The following SPOP variants were observed in gnomAD, a reference collection of about 807,000 sequenced individuals.
SPOP encodes the protein speckle-type POZ protein.
In SPOP, 11 loss-of-function variants were observed where a neutral mutation model predicts 45.6. That is an observed-to-expected ratio of 0.24 (90% CI 0.15 to 0.40). SPOP has a LOEUF of 0.40. Ranked by LOEUF, SPOP falls within the 10% of genes least tolerant of loss-of-function variation. The pLI, the probability that SPOP is intolerant of heterozygous loss-of-function variation, is 1.00. For missense variants in SPOP, 152 were observed against 465.6 expected (o/e 0.33, Z 6.20); for synonymous variants, 166 against 166.3 (o/e 1.00, Z 0.01).
At chr17:49,635,632 C>CTT (rs11451249) in intron 1 of SPOP, among the ~76,000 whole-genome samples, 1,746 of 121,530 alleles carry the variant, frequency 0.014, 39 homozygotes, top group South Asian at 0.028. Flanking sequence ...AGGTATCTCT[C>CTT]TTTTTTTTTT....
At chr17:49,629,157 G>A (rs995510103) in intron 1 of SPOP, among the ~76,000 whole-genome samples, 1 of 152,140 alleles carries the variant, frequency 6.6e-6, no homozygotes, top group East Asian at 1.9e-4. Context: ...CAGGAGAATC[G>A]CTTGAACCTG....
intron 1 of SPOP, among the ~76,000 whole-genome samples, chr17:49,638,994 T>C (rs2072597303): frequency 6.6e-6 from 1 of 152,160 alleles, no homozygotes; most frequent in African/African-American, 2.4e-5. Flanking sequence ...GTAGTTCAGT[T>C]AATAATAGCA....
intron 1 of SPOP, among the ~76,000 whole-genome samples, chr17:49,674,277 TG>T (rs2073173060): frequency 6.6e-6 from 1 of 152,256 alleles, no homozygotes; most frequent in Non-Finnish European, 1.5e-5. Flanking sequence ...TGAGTAGAAT[TG>T]CTATTAGTTC....
intron 8 of SPOP, chr17:49,606,940 T>C (rs1294314241): frequency 7.3e-6 from 2 of 272,856 alleles, no homozygotes; most frequent in African/African-American, 4.4e-5. Context: ...CAAATGTTAG[T>C]ATTATTTGAA....
chr17:49,675,628 T>C (rs554091308), intron 1 of SPOP, among the ~76,000 whole-genome samples: 1 of 152,358 alleles, frequency 6.6e-6, no homozygotes, highest in South Asian at 2.1e-4. Flanking sequence ...TCTGCACCAG[T>C]ACGAATTATT....
In SPOP at chr17:49,619,132, A is replaced by G. The variant is rs2072159165; in HGVS notation, c.353-24T>C. 1.2e-6 allele frequency: 2 copies of G among 1,613,072 alleles called. No individual in the cohort carries two copies. Among genetic ancestry groups the G allele is most frequent in the Middle Eastern group, 1.6e-4 (1 of 6,078 alleles). On this transcript the variant is annotated intron_variant, in intron 4 of 9. Transcript: ENST00000504102. This position sits in a 1 kb window ranked among gnomAD's most constrained non-coding sequence, Gnocchi z 4.9. ...CTCTGGGGTGGGGAAAAAAAAAGTC[A>G]TATTTAAGGTTACGCAAAAACCAGA...
rs1430773512 is a variant in SPOP, at chr17:49,619,447, C to A, written c.201-62G>T. 3 of 1,535,668 alleles carry A rather than the reference C, an allele frequency of 2.0e-6. No homozygotes were observed. Among genetic ancestry groups the A allele is most frequent in the South Asian group, 2.4e-5 (2 of 81,748 alleles). On this transcript the variant is annotated intron_variant, in intron 3 of 9. Transcript: ENST00000504102. This position sits in a 1 kb window ranked among gnomAD's most constrained non-coding sequence, Gnocchi z 4.9. ...CATCCATTTTGATAGAACTGGAAAT[C>A]AGACTCAAGAGAGGGAGATGTTTAA...
chr17:49,615,407 C>T (rs2072064361), intron 5 of SPOP, among the ~76,000 whole-genome samples: 1 of 152,030 alleles, frequency 6.6e-6, no homozygotes, highest in Admixed American at 6.6e-5. Flanking sequence ...TCAATAGAAG[C>T]TGAACTATTT....
At chr17:49,662,944 C>T (rs1046015325) in intron 1 of SPOP, among the ~76,000 whole-genome samples, 1 of 152,178 alleles carries the variant, frequency 6.6e-6, no homozygotes, top group Non-Finnish European at 1.5e-5. Flanking sequence ...CTGGAGGTCC[C>T]TTTCAAGTGG....
intron 9 of SPOP, chr17:49,601,399 T>G (rs1194027289): frequency 6.6e-6 from 1 of 152,504 alleles, no homozygotes; most frequent in Non-Finnish European, 1.5e-5. Context: ...CATTTGTCAC[T>G]TAAGATGAAG....
chr17:49,676,382 G>GC (rs1461118276), intron 1 of SPOP, among the ~76,000 whole-genome samples: 1 of 152,150 alleles, frequency 6.6e-6, no homozygotes, highest in African/African-American at 2.4e-5. Context: ...TGTAACCATG[G>GC]CAACAGGAAA....
chr17:49,649,589 T>C (rs1251643665), intron 1 of SPOP, among the ~76,000 whole-genome samples: 3 of 150,504 alleles, frequency 2.0e-5, no homozygotes, highest in Non-Finnish European at 4.4e-5. Flanking sequence ...TCCCAGCACT[T>C]TGGGAGGCCG....
chr17:49,649,398 G>T (rs543252042), intron 1 of SPOP, among the ~76,000 whole-genome samples: 1 of 151,914 alleles, frequency 6.6e-6, no homozygotes, highest in East Asian at 2.0e-4. Context: ...TTAGCTGGGC[G>T]TGGCGGCGCA....
At chr17:49,632,824 T>C (rs1044116037) in intron 1 of SPOP, among the ~76,000 whole-genome samples, 1 of 152,212 alleles carries the variant, frequency 6.6e-6, no homozygotes, top group Non-Finnish European at 1.5e-5. Context: ...GTGAGGGAAA[T>C]CCTTAGCATC....
At position 49,600,527 on chromosome 17, in the gene SPOP, G is replaced by C; in HGVS notation, c.981-5C>G. ...TCCAAGACATCCGAAGCATGACTAG[G>C]AGAAATGTGGAGAAATGGGTTACCA... On this transcript the variant is annotated splice_polypyrimidine_tract_variant and splice_region_variant and intron_variant, in intron 9 of 9. Coordinates refer to ENST00000504102, the MANE Select transcript of SPOP (RefSeq NM_001007228.2). The surrounding 1 kb of genome is among the most constrained non-coding windows in gnomAD (Gnocchi z 4.2). 1 of 1,614,002 alleles carries C rather than the reference G, an allele frequency of 6.2e-7. No individual in the cohort carries two copies. Among genetic ancestry groups the C allele is most frequent in the Non-Finnish European group, 8.5e-7 (1 of 1,179,984 alleles).
intron 1 of SPOP, among the ~76,000 whole-genome samples, chr17:49,667,213 C>CA (rs1477012438): frequency 3.4e-5 from 5 of 148,930 alleles, no homozygotes; most frequent in Non-Finnish European, 5.9e-5. Flanking sequence ...AAAACACACC[C>CA]ATTAGGATGG....
At chr17:49,625,680 AG>A (rs2072314900) in intron 1 of SPOP, among the ~76,000 whole-genome samples, 1 of 152,214 alleles carries the variant, frequency 6.6e-6, no homozygotes, top group Admixed American at 6.5e-5. Context: ...AATAAAAAAA[AG>A]CAAGTTTAGG....
chr17:49,616,239 A>T lies in SPOP; in HGVS notation c.480+2742T>A, dbSNP rs916418919. The stretch of plus-strand genomic sequence containing the variant: ...CACTGAAATAAAGGCCAAACATAAA[A>T]GGGTGCTTCTCGGTCTTCCACCATA... On this transcript the variant is annotated intron_variant, in intron 5 of 9. Transcript: ENST00000504102. 6.6e-5 allele frequency among the ~76,000 whole-genome samples: 10 copies of T among 152,186 alleles called. 1 individual carries two copies. The highest frequency in any genetic ancestry group is 7.4e-5 in the Non-Finnish European group (5 of 68,018).
At position 49,659,200 on chromosome 17, in the gene SPOP, T is replaced by G. The variant is rs536496113; in HGVS notation, c.-67+18733A>C. Among the ~76,000 whole-genome samples, 3 of 152,268 alleles carry G rather than the reference T, an allele frequency of 2.0e-5. No individual in the cohort carries two copies. The South Asian group carries it at 6.2e-4, about 32-fold the overall frequency. On this transcript the variant is annotated intron_variant, in intron 1 of 9. Transcript: ENST00000504102. The stretch of plus-strand genomic sequence containing the variant: ...GTTGCTGCTCCCATGGTGAATCAAT[T>G]TTATGCAAATGAAAGTGTTTCATTT...
Sources: allele counts gnomAD v4.1 joint callset (sites outside exome capture counted in the v4.1 genomes callset), GRCh38; gene constraint gnomAD v4.1.1; non-coding constraint Gnocchi (gnomAD v3.1); transcripts MANE v1.5; gene names NCBI Gene and HGNC (gene_info 2026-07-23, HGNC 2026-07-21).